Variants in HYDIN observed in about 807,000 individuals in gnomAD.
HYDIN encodes the protein axonemal central pair apparatus protein HYDIN.
HYDIN carries 132 observed loss-of-function variants against 403.9 expected under a neutral mutation model. The observed-to-expected ratio is 0.33, with a 90% CI of 0.28 to 0.38. The LOEUF (loss-of-function observed/expected upper bound fraction) is 0.38. Among genes scored for constraint, HYDIN ranks in the 10% least tolerant of loss-of-function variants. The pLI is 1.00. For synonymous variants in HYDIN, 1,202 were observed against 1,891.7 expected (o/e 0.64, Z 9.46); for missense variants, 2,827 against 5,009.5 (o/e 0.56, Z 13.15).
In HYDIN at chr16:70,807,957, C is replaced by T; in HGVS notation, c.14989G>A (p.Gly4997Ser). Reference protein sequence around the residue: ...VEVLFEPSHLGETKGILILSS... With the variant: ...VEVLFEPSHLSETKGILILSS... ...AGGATCAGGATGCCCTTGGTCTCAC[C>T]CAGGTGGCTGGGCTCGAATAAGACT... The change falls in exon 86 of 86, where the codon GGT (glycine) becomes AGT (serine). Residue 4997 changes from glycine (G) to serine (S), a missense_variant. By Grantham distance (56) the Gly-to-Ser change is moderately conservative. Coordinates refer to ENST00000393567, the MANE Select transcript of HYDIN (RefSeq NM_001270974.2). 1.2e-6 allele frequency: 2 copies of T among 1,614,154 alleles called. No homozygotes were observed. The highest frequency in any genetic ancestry group is 1.7e-6 in the Non-Finnish European group (2 of 1,180,032).
intron 6 of HYDIN, among the ~76,000 whole-genome samples, chr16:71,161,355 C>T (rs1394650431): frequency 1.3e-5 from 2 of 152,220 alleles, no homozygotes; most frequent in African/African-American, 4.8e-5. Flanking sequence ...CCACCACTCA[C>T]CTCCTGCTGT....
At chr16:70,867,155 A>G (rs1378401973) in intron 66 of HYDIN, among the ~76,000 whole-genome samples, 2 of 149,178 alleles carry the variant, frequency 1.3e-5, no homozygotes, top group East Asian at 3.9e-4. Context: ...TAATTGAAAA[A>G]TGAGCAAAAG....
At chr16:70,948,485 C>T (rs2077953659) in intron 41 of HYDIN, among the ~76,000 whole-genome samples, 1 of 150,296 alleles carries the variant, frequency 6.7e-6, no homozygotes, top group Admixed American at 6.6e-5. Flanking sequence ...AGAGCTTCTG[C>T]ACAGCAAAAG....
chr16:70,901,263 T>G lies in HYDIN; in HGVS notation c.8850-61A>C, dbSNP rs2076369520. ...AAATTTTGTAGTTTCATGTGTTTTT[T>G]TTTTAACTTTTGTTTTAGGTTCAGG... is the stretch of plus-strand genomic sequence containing the variant. On this transcript the variant is annotated intron_variant, in intron 52 of 85. Coordinates refer to ENST00000393567, the MANE Select transcript of HYDIN (RefSeq NM_001270974.2). 102 of 1,416,460 alleles carry G rather than the reference T, an allele frequency of 7.2e-5. No homozygotes were observed. The South Asian group carries it at 1.2e-3, about 17-fold the overall frequency. 87.7% of individuals were successfully genotyped at this position (1,416,460 alleles called of 1,614,324 possible). A position where few individuals can be genotyped will look rare whatever the true frequency, so the allele number is the denominator to read the frequency against.
intron 1 of HYDIN, among the ~76,000 whole-genome samples, chr16:71,188,722 G>GT (rs2087276040): frequency 6.6e-6 from 1 of 152,086 alleles, no homozygotes; most frequent in African/African-American, 2.4e-5. Context: ...CAAAAAATAA[G>GT]TAAGACCATA....
At chr16:71,221,719 T>C (rs2089209694) in intron 1 of HYDIN, among the ~76,000 whole-genome samples, 1 of 152,104 alleles carries the variant, frequency 6.6e-6, no homozygotes, top group South Asian at 2.1e-4. Flanking sequence ...AATTAGAAAA[T>C]AAAATAGATA....
At chr16:70,809,203 CTG>C (rs918744008) in intron 85 of HYDIN, among the ~76,000 whole-genome samples, 1 of 152,232 alleles carries the variant, frequency 6.6e-6, no homozygotes, top group Non-Finnish European at 1.5e-5. Flanking sequence ...ATGTGAACCA[CTG>C]TGTCTAGCTT....
At position 70,889,667 on chromosome 16, in the gene HYDIN, C is replaced by T. The variant is rs2143713092; in HGVS notation, c.9694G>A (p.Glu3232Lys). 1 of 652,444 alleles carries T rather than the reference C, an allele frequency of 1.5e-6. No individual in the cohort carries two copies. The highest frequency in any genetic ancestry group is 2.9e-5 in the East Asian group (1 of 34,778). 40.4% of individuals were successfully genotyped at this position (652,444 alleles called of 1,614,324 possible). ...GAAGAGCCAGTTTTGTAGAAGCTCT[C>T]ACTTTCTCGGGATCTTGCATGTCTG... is the stretch of plus-strand genomic sequence containing the variant. ...HVRHARSRES[E>K]SFYKTGSSRA... The change falls in exon 58 of 86, where the codon GAG (glutamate) becomes AAG (lysine). Residue 3232 changes from glutamate to lysine, a missense_variant. Physicochemically the swap from Glu to Lys is moderately conservative, Grantham distance 56 (BLOSUM62 1). Coordinates refer to ENST00000393567, the MANE Select transcript of HYDIN (RefSeq NM_001270974.2).
At chr16:71,214,571 C>T (rs148036028) in intron 1 of HYDIN, among the ~76,000 whole-genome samples, 1 of 152,300 alleles carries the variant, frequency 6.6e-6, no homozygotes, top group African/African-American at 2.4e-5. Context: ...TGCATTATTT[C>T]ACTTTTTCTG....
At chr16:71,193,555 G>C (rs557581210) in intron 1 of HYDIN, among the ~76,000 whole-genome samples, 27 of 152,232 alleles carry the variant, frequency 1.8e-4, no homozygotes, top group Admixed American at 1.6e-3. Flanking sequence ...TTTTAGAGTA[G>C]ACATCCTTAG....
intron 7 of HYDIN, among the ~76,000 whole-genome samples, chr16:71,145,753 G>T (rs1004603340): frequency 6.6e-6 from 1 of 152,138 alleles, no homozygotes; most frequent in South Asian, 2.1e-4. Flanking sequence ...GAGATGAGAC[G>T]ATCTGCTATA....
Position 70,920,623 on chromosome 16 carries a change from G to C in HYDIN, c.7753C>G (p.Leu2585Val). ...CCTTTGGGAAGCTTGTCGCTCTCTA[G>C]GGCCTGCTTCCAGCTCAAGCCTTCA... is the stretch of plus-strand genomic sequence containing the variant. ...DFEGLSWKQALESDKLPKGEQ... is the reference protein window; with the variant it reads ...DFEGLSWKQAVESDKLPKGEQ... The change falls in exon 46 of 86, where the codon CTA becomes GTA. Residue 2585 changes from leucine (L) to valine (V), a missense_variant. By Grantham distance (32) the Leu-to-Val change is conservative. Coordinates refer to ENST00000393567, the MANE Select transcript of HYDIN (RefSeq NM_001270974.2). 6.2e-7 allele frequency: 1 copy of C among 1,613,836 alleles called. No individual in the cohort carries two copies. Among genetic ancestry groups the C allele is most frequent in the Non-Finnish European group, 8.5e-7 (1 of 1,179,914 alleles).
chr16:70,859,173 C>A (rs543688650), intron 71 of HYDIN, among the ~76,000 whole-genome samples: 2 of 151,868 alleles, frequency 1.3e-5, no homozygotes, highest in East Asian at 3.9e-4. Context: ...TGGTGGCGGG[C>A]GCTTGTAGTC....
At chr16:70,971,218 G>A (rs1425319407) in intron 35 of HYDIN, among the ~76,000 whole-genome samples, 6 of 152,200 alleles carry the variant, frequency 3.9e-5, no homozygotes, top group Middle Eastern at 3.2e-3. Flanking sequence ...AATGACTCTG[G>A]GGATTTACGG....
chr16:70,902,822 T>TATATA (rs1491533720), intron 52 of HYDIN, among the ~76,000 whole-genome samples: 56 of 17,180 alleles, frequency 3.3e-3, no homozygotes, highest in African/African-American at 0.015. Context: ...TATATATATA[T>TATATA]TTTTTTTTTT....
chr16:70,874,708 C>T (rs1473684196), intron 63 of HYDIN, 109 bp downstream of exon 63: 51 of 1,299,336 alleles, frequency 3.9e-5, no homozygotes, highest in Non-Finnish European at 5.3e-5. Flanking sequence ...TAGCTAGAGG[C>T]CAGTGGTGAC....
At chr16:71,004,482 G>GT (rs1281815496) in intron 23 of HYDIN, among the ~76,000 whole-genome samples, 6 of 152,120 alleles carry the variant, frequency 3.9e-5, no homozygotes, top group Non-Finnish European at 7.4e-5. Flanking sequence ...ATGATCATAT[G>GT]TTTTTTCTTC....
intron 41 of HYDIN, among the ~76,000 whole-genome samples, chr16:70,948,566 A>G (rs2077956673): frequency 6.6e-6 from 1 of 152,090 alleles, no homozygotes; most frequent in African/African-American, 2.4e-5. Context: ...CATCTGACAA[A>G]GGGCTAATAT....
intron 1 of HYDIN, among the ~76,000 whole-genome samples, chr16:71,199,793 A>T (rs1211135188): frequency 6.6e-6 from 1 of 152,194 alleles, no homozygotes; most frequent in Admixed American, 6.5e-5. Context: ...ATTTTTTTAA[A>T]AAAATTTGAA....
Sources: allele counts gnomAD v4.1 joint callset (sites outside exome capture counted in the v4.1 genomes callset), GRCh38; gene constraint gnomAD v4.1.1; transcripts MANE v1.5; gene names NCBI Gene and HGNC (gene_info 2026-07-23, HGNC 2026-07-21).